CACNG7: variants seen among roughly 807,000 people sequenced by gnomAD.
CACNG7 encodes the protein voltage-dependent calcium channel gamma-7 subunit.
CACNG7 carries 9 observed loss-of-function variants against 26.3 expected under a neutral mutation model. The ratio of observed to expected loss-of-function variants is 0.34; its 90% CI spans 0.21 to 0.60. The LOEUF is 0.60. Among genes scored for constraint, CACNG7 ranks in the 20% least tolerant of loss-of-function variants. The pLI is 0.81. For synonymous variants in CACNG7, 170 were observed against 157.0 expected, an observed-to-expected ratio of 1.08 and a Z score of -0.62; for missense variants, 297 against 380.4, an observed-to-expected ratio of 0.78 and a Z score of 1.82.
chr19:53,942,087 G>A lies in CACNG7; in HGVS notation c.622G>A (p.Glu208Lys). The change falls in exon 6 of 6, where the codon GAG becomes AAG. Residue 208 changes from glutamate to lysine, a missense_variant. Transcript: ENST00000391767. This position sits in a 1 kb window ranked among gnomAD's most constrained non-coding sequence, Gnocchi z 5.9. ...GTTCACCAAGCGCTACGCGGAGGAG[G>A]AGATGTACCGTCCACACCCGGCCTT... ...YLFTKRYAEE[E>K]MYRPHPAFYR... 1 of 1,613,868 alleles carries A rather than the reference G, an allele frequency of 6.2e-7. No individual in the cohort carries two copies. The highest frequency in any genetic ancestry group is 8.5e-7 in the Non-Finnish European group (1 of 1,179,876).
At chr19:53,937,262 A>G (rs2069110732) in intron 4 of CACNG7, among the ~76,000 whole-genome samples, 1 of 152,102 alleles carries the variant, frequency 6.6e-6, no homozygotes, top group Admixed American at 6.6e-5. Flanking sequence ...ATCACGGGAG[A>G]GATATCCTCA....
intron 4 of CACNG7, among the ~76,000 whole-genome samples, chr19:53,936,545 C>A (rs2069106417): frequency 6.6e-6 from 1 of 152,172 alleles, no homozygotes; most frequent in Non-Finnish European, 1.5e-5. Flanking sequence ...AGAACTTTCT[C>A]TTTTTTCTTA....
At chr19:53,927,211 C>T (rs1003141508) in intron 4 of CACNG7, among the ~76,000 whole-genome samples, 9 of 152,062 alleles carry the variant, frequency 5.9e-5, no homozygotes, top group South Asian at 2.1e-4. Context: ...TGAGCCACTG[C>T]GGCGCAGCTG....
intron 4 of CACNG7, among the ~76,000 whole-genome samples, chr19:53,930,855 TTTGAAA>T (rs2069066976): frequency 6.6e-6 from 1 of 152,172 alleles, no homozygotes; most frequent in South Asian, 2.1e-4. Flanking sequence ...GGCTTTAGCA[TTTGAAA>T]GTAAATTGCA....
At chr19:53,938,339 C>A (rs766867563) in intron 4 of CACNG7, among the ~76,000 whole-genome samples, 1 of 151,942 alleles carries the variant, frequency 6.6e-6, no homozygotes, top group Non-Finnish European at 1.5e-5. Context: ...CAGAGCAAGA[C>A]CCTGTCCCAA....
chr19:53,912,765 G>T lies in CACNG7; in HGVS notation c.-29-38G>T, dbSNP rs1463610818. ...TGCATGGGGTCAAGCACTCTGGTCG[G>T]TCCCATGGAGCTCTGCACTGTAGCT... On this transcript the variant is annotated intron_variant, in intron 1 of 5. Transcript: ENST00000391767. The surrounding 1 kb of genome is among the most constrained non-coding windows in gnomAD (Gnocchi z 4.6). 1 of 1,548,422 alleles carries T rather than the reference G, an allele frequency of 6.5e-7. No individual in the cohort carries two copies. Among genetic ancestry groups the T allele is most frequent in the East Asian group, 2.2e-5 (1 of 44,524 alleles).
chr19:53,915,301 G>A (rs2068888854), intron 3 of CACNG7, 64 bp from the exon 4 acceptor site: 13 of 1,273,182 alleles, frequency 1.0e-5, no homozygotes, highest in African/African-American at 1.5e-5. Context: ...AGAGGTCAAG[G>A]AATGGGGAAG....
At chr19:53,937,082 G>T (rs961233517) in intron 4 of CACNG7, among the ~76,000 whole-genome samples, 5 of 151,920 alleles carry the variant, frequency 3.3e-5, no homozygotes, top group Non-Finnish European at 7.4e-5. Context: ...TAGAGATGGG[G>T]TCTCACTATG....
intron 4 of CACNG7, among the ~76,000 whole-genome samples, chr19:53,923,570 G>C (rs1260689900): frequency 2.8e-4 from 37 of 133,868 alleles, no homozygotes; most frequent in South Asian, 5.2e-4. Flanking sequence ...GTCATTGGTG[G>C]AGTTGTCCCA....
At chr19:53,921,969 TCATTGGTGGAGTTGCCCCAGGCCTGGTC>T (rs2068960698) in intron 4 of CACNG7, among the ~76,000 whole-genome samples, 2 of 79,658 alleles carry the variant, frequency 2.5e-5, no homozygotes, top group African/African-American at 7.5e-5. Context: ...CCAGGCCTGG[TCATTGGTGGAGTTGCCCCAGGCCTGGTC>T]ATTGGTGGAG....
At chr19:53,928,465 G>T (rs2069048921) in intron 4 of CACNG7, among the ~76,000 whole-genome samples, 1 of 151,894 alleles carries the variant, frequency 6.6e-6, no homozygotes, top group Non-Finnish European at 1.5e-5. Context: ...TGTAGAGACG[G>T]GGTTTCACCA....
rs67716321 is a variant in CACNG7 at position 53,925,562 on chromosome 19, GT to G, written c.424+10058del. 7.3e-3 allele frequency among the ~76,000 whole-genome samples: 367 copies of G among 50,382 alleles called. 3 individuals are homozygous for G. Among genetic ancestry groups the G allele is most frequent in the African/African-American group, 0.04 (144 of 3,642 alleles). 33.1% of individuals were successfully genotyped at this position (50,382 alleles called of 152,430 possible). On this transcript the variant is annotated intron_variant, in intron 4 of 5. Coordinates refer to ENST00000391767, the MANE Select transcript of CACNG7 (RefSeq NM_031896.5). ...CTGGTCATTGGTGGACTTGCCCCAG[GT>G]CTGGTCATTGGTGGACTTGCCCCAG...
intron 4 of CACNG7, 41 bp downstream of exon 4, chr19:53,915,546 G>A: frequency 6.2e-7 from 1 of 1,609,464 alleles, no homozygotes; most frequent in East Asian, 2.2e-5. Context: ...ACCATTTCCA[G>A]TTCCAGGGAC....
intron 4 of CACNG7, among the ~76,000 whole-genome samples, chr19:53,931,556 T>C (rs1437099320): frequency 1.3e-5 from 2 of 151,290 alleles, no homozygotes. Context: ...GGTGTGGTGG[T>C]GCATGCCTGT....
Position 53,912,856 on chromosome 19 carries a change from C to G in CACNG7, c.25C>G (p.Leu9Val), listed in dbSNP as rs1168535620. Residue 9 changes from leucine (L) to valine (V), a missense_variant, in exon 2 of 6, where the codon CTG becomes GTG. By Grantham distance (32) the Leu-to-Val change is conservative. Transcript: ENST00000391767. This position sits in a 1 kb window ranked among gnomAD's most constrained non-coding sequence, Gnocchi z 4.6. Reference protein sequence around the residue: MSHCSSRALTLLSSVFGAC... With the variant: MSHCSSRAVTLLSSVFGAC... ...GATGAGTCACTGCAGCAGCCGCGCCCTGACCCTGCTGAGCAGCGTGTTTGG... is the reference window on the plus strand; with the variant it reads ...GATGAGTCACTGCAGCAGCCGCGCCGTGACCCTGCTGAGCAGCGTGTTTGG... The G allele has an allele frequency of 6.2e-7, 1 of 1,613,364 alleles. No individual in the cohort carries two copies. Among genetic ancestry groups the G allele is most frequent in the Non-Finnish European group, 8.5e-7 (1 of 1,180,036 alleles).
chr19:53,940,504 T>A lies in CACNG7; in HGVS notation c.425-966T>A, dbSNP rs1297137171. ...ATCAACCAGCCCCCAAAGTTTCTTC[T>A]AACACTGGGATCTGGCCCTGTCCTT... On this transcript the variant is annotated intron_variant, in intron 4 of 5. Transcript: ENST00000391767. The surrounding 1 kb of genome is among the most constrained non-coding windows in gnomAD (Gnocchi z 4.1). Among the ~76,000 whole-genome samples the A allele has an allele frequency of 6.6e-6, 1 of 152,090 alleles. No homozygotes were observed. Among genetic ancestry groups the A allele is most frequent in the Non-Finnish European group, 1.5e-5 (1 of 67,996 alleles).
chr19:53,911,245 T>C (rs2068860487), intron 1 of CACNG7, among the ~76,000 whole-genome samples: 1 of 152,066 alleles, frequency 6.6e-6, no homozygotes, highest in African/African-American at 2.4e-5. Context: ...TTTGTATTTT[T>C]AGCAGAGACA....
chr19:53,916,497 T>C (rs1329298209), intron 4 of CACNG7, among the ~76,000 whole-genome samples: 1 of 147,426 alleles, frequency 6.8e-6, no homozygotes, highest in African/African-American at 2.5e-5. Flanking sequence ...CTTTTTTTTT[T>C]TTTTTTTTTT....
intron 4 of CACNG7, among the ~76,000 whole-genome samples, chr19:53,926,272 C>A (rs150400205): frequency 1.1e-4 from 17 of 152,114 alleles, no homozygotes. Context: ...AGATCTCTGA[C>A]CTCATCTCCT....
Sources: allele counts gnomAD v4.1 joint callset (sites outside exome capture counted in the v4.1 genomes callset), GRCh38; gene constraint gnomAD v4.1.1; non-coding constraint Gnocchi (gnomAD v3.1); transcripts MANE v1.5; gene names NCBI Gene and HGNC (gene_info 2026-07-23, HGNC 2026-07-21).